Variants in PPFIBP1 observed in about 807,000 individuals in gnomAD.
PPFIBP1 encodes the protein liprin-beta-1.
In PPFIBP1, 112 loss-of-function variants were observed where a neutral mutation model predicts 137.8. The ratio of observed to expected loss-of-function variants is 0.81; its 90% CI spans 0.70 to 0.95. The LOEUF (loss-of-function observed/expected upper bound fraction) is 0.95, where lower values mean the gene tolerates loss of function less well. Ranked by LOEUF, PPFIBP1 falls within the 40% of genes least tolerant of loss-of-function variation. PPFIBP1 has a pLI of 0.00. For synonymous variants in PPFIBP1, 378 were observed against 417.3 expected, an observed-to-expected ratio of 0.91 and a Z score of 1.15; for missense variants, 1,083 against 1,196.6, an observed-to-expected ratio of 0.91 and a Z score of 1.40.
rs1159498408 is a variant in PPFIBP1, at chr12:27,673,827, G to A, written c.1380G>A (p.Gly460=). The stretch of plus-strand genomic sequence containing the variant: ...ATCTGAAGAAAGAGACATCTGATGG[G>A]GTGGGTTCTGTGTTTTTTGTTTTTT... The part of the protein sequence containing the change: ...LGNLKKETSD[G]EKETIQKTSE... The change falls in exon 16 of 30, where the codon GGG becomes GGA. Residue 460 remains glycine, a splice_region_variant and synonymous_variant. Transcript: ENST00000228425. 2 of 1,612,674 alleles carry A rather than the reference G, an allele frequency of 1.2e-6. No individual in the cohort carries two copies. The highest frequency in any genetic ancestry group is 2.2e-5 in the South Asian group (2 of 90,934).
At chr12:27,595,251 A>G (rs911142983) in intron 2 of PPFIBP1, among the ~76,000 whole-genome samples, 2 of 152,016 alleles carry the variant, frequency 1.3e-5, no homozygotes, top group Non-Finnish European at 2.9e-5. Flanking sequence ...CGCGCGCACA[A>G]ACACACACAC....
chr12:27,552,007 A>T (rs1025568430), intron 1 of PPFIBP1, among the ~76,000 whole-genome samples: 1 of 152,184 alleles, frequency 6.6e-6, no homozygotes, highest in Non-Finnish European at 1.5e-5. Flanking sequence ...TCTGACCCCT[A>T]GTTTCCTCAT....
At chr12:27,597,656 T>C (rs2053474708) in intron 2 of PPFIBP1, among the ~76,000 whole-genome samples, 1 of 152,104 alleles carries the variant, frequency 6.6e-6, no homozygotes, top group South Asian at 2.1e-4. Flanking sequence ...CTCATGGAAA[T>C]GGAGCACTTT....
chr12:27,610,847 G>A (rs577203949), intron 2 of PPFIBP1, among the ~76,000 whole-genome samples: 3 of 150,030 alleles, frequency 2.0e-5, no homozygotes, highest in Non-Finnish European at 3.0e-5. Context: ...TTAGTTTCTC[G>A]TTTTTAACTC....
chr12:27,526,844 A>G (rs1943816694), intron 1 of PPFIBP1, among the ~76,000 whole-genome samples: 1 of 152,170 alleles, frequency 6.6e-6, no homozygotes, highest in South Asian at 2.1e-4. Context: ...TCAAAAATAA[A>G]TAAATAAAAT....
chr12:27,534,302 G>A (rs1354249792), intron 1 of PPFIBP1, among the ~76,000 whole-genome samples: 1 of 152,164 alleles, frequency 6.6e-6, no homozygotes, highest in African/African-American at 2.4e-5. Flanking sequence ...AAAAAAAGAT[G>A]TGATCAGAAG....
intron 1 of PPFIBP1, among the ~76,000 whole-genome samples, chr12:27,542,813 C>T (rs1488352527): frequency 1.3e-5 from 2 of 152,114 alleles, no homozygotes; most frequent in African/African-American, 4.8e-5. Flanking sequence ...GGATTGTGCT[C>T]GTAGGCAAAA....
intron 12 of PPFIBP1, among the ~76,000 whole-genome samples, chr12:27,665,367 G>C (rs961392611): frequency 1.3e-5 from 2 of 152,130 alleles, no homozygotes; most frequent in African/African-American, 2.4e-5. Context: ...AGATAGAGGA[G>C]GAGAGTGAAG....
intron 2 of PPFIBP1, among the ~76,000 whole-genome samples, chr12:27,618,402 T>A (rs1272205396): frequency 6.6e-6 from 1 of 152,234 alleles, no homozygotes; most frequent in African/African-American, 2.4e-5. Context: ...TAAAGTCTGA[T>A]AAGAAACATT....
chr12:27,583,783 A>C (rs1294232913), intron 2 of PPFIBP1, among the ~76,000 whole-genome samples: 2 of 152,202 alleles, frequency 1.3e-5, no homozygotes, highest in Non-Finnish European at 2.9e-5. Context: ...CTTCTTTGCA[A>C]GACTGTGAGT....
chr12:27,603,238 G>A (rs568730967), intron 2 of PPFIBP1, among the ~76,000 whole-genome samples: 1 of 152,204 alleles, frequency 6.6e-6, no homozygotes, highest in African/African-American at 2.4e-5. Flanking sequence ...TCTAGCTGCA[G>A]CAGGTTCATT....
In PPFIBP1 at chr12:27,692,980, G is replaced by A. The variant is rs745353763; in HGVS notation, c.*98G>A. On this transcript the variant is annotated 3_prime_UTR_variant, in exon 30 of 30. Transcript: ENST00000228425. ...TACAACAGGCAGCGGATTGTCTATTGTTTGTTGTTCCAACTTCTGCTGTCG... is the reference window on the plus strand; with the variant it reads ...TACAACAGGCAGCGGATTGTCTATTATTTGTTGTTCCAACTTCTGCTGTCG... 47 of 1,509,424 alleles carry A rather than the reference G, an allele frequency of 3.1e-5. No homozygotes were observed. The highest frequency in any genetic ancestry group is 3.8e-5 in the Non-Finnish European group (43 of 1,129,006). 93.5% of individuals were successfully genotyped at this position (1,509,424 alleles called of 1,614,324 possible). A position where few individuals can be genotyped will look rare whatever the true frequency, so the allele number is the denominator to read the frequency against.
At chr12:27,527,176 G>A (rs539168772) in intron 1 of PPFIBP1, among the ~76,000 whole-genome samples, 7 of 151,838 alleles carry the variant, frequency 4.6e-5, no homozygotes, top group South Asian at 2.1e-4. Flanking sequence ...TTAACTTTTC[G>A]TTTATATCCC....
intron 4 of PPFIBP1, among the ~76,000 whole-genome samples, chr12:27,645,606 G>A (rs924977480): frequency 2.0e-5 from 3 of 152,178 alleles, no homozygotes; most frequent in Non-Finnish European, 4.4e-5. Flanking sequence ...AAGTTAATAA[G>A]ATCAGGACAA....
At chr12:27,531,431 T>C (rs1944406409) in intron 1 of PPFIBP1, among the ~76,000 whole-genome samples, 1 of 151,926 alleles carries the variant, frequency 6.6e-6, no homozygotes, top group South Asian at 2.1e-4. Flanking sequence ...GAGCTGGGAT[T>C]GCAGGTCCCC....
chr12:27,586,081 G>T (rs1268596434), intron 2 of PPFIBP1, among the ~76,000 whole-genome samples: 1 of 152,184 alleles, frequency 6.6e-6, no homozygotes, highest in Non-Finnish European at 1.5e-5. Flanking sequence ...GTAAGCACTT[G>T]TTATGTGCCA....
At chr12:27,562,449 A>AC (rs2049245802) in intron 1 of PPFIBP1, among the ~76,000 whole-genome samples, 2 of 152,220 alleles carry the variant, frequency 1.3e-5, no homozygotes, top group Admixed American at 6.5e-5. Context: ...GACAGTATAA[A>AC]TTATCTTGGT....
intron 1 of PPFIBP1, among the ~76,000 whole-genome samples, chr12:27,554,778 C>A (rs1201466479): frequency 6.6e-6 from 1 of 152,010 alleles, no homozygotes; most frequent in Admixed American, 6.5e-5. Context: ...GAGTCTTGTG[C>A]TTGACTCCAT....
chr12:27,555,515 C>G lies in PPFIBP1; in HGVS notation c.-123-22637C>G, dbSNP rs188358498. On this transcript the variant is annotated intron_variant, in intron 1 of 29. Coordinates refer to ENST00000228425, the MANE Select transcript of PPFIBP1 (RefSeq NM_003622.4). ...AAGGTTGCTACAGTTATTTTTCCCC[C>G]TGATATGAAAGCTAAGCCTTGTTTT... Among the ~76,000 whole-genome samples the G allele has an allele frequency of 5.3e-3, 800 of 152,252 alleles. 6 individuals are homozygous for G. The highest frequency in any genetic ancestry group is 0.018 in the African/African-American group (765 of 41,532).
Sources: allele counts gnomAD v4.1 joint callset (sites outside exome capture counted in the v4.1 genomes callset), GRCh38; gene constraint gnomAD v4.1.1; transcripts MANE v1.5; gene names NCBI Gene and HGNC (gene_info 2026-07-23, HGNC 2026-07-21).